Variants in DNAH5 observed in about 807,000 individuals in gnomAD.
The protein encoded by DNAH5 is axonemal beta dynein heavy chain 5.
In DNAH5, 372 loss-of-function variants were observed where a neutral mutation model predicts 518.2. The observed-to-expected ratio is 0.72, with a 90% confidence interval of 0.66 to 0.78. DNAH5 has a LOEUF of 0.78. DNAH5 is among the 30% of genes least tolerant of loss of function. DNAH5 has a pLI of 0.00. For synonymous variants in DNAH5, 2,039 were observed against 2,025.9 expected, an observed-to-expected ratio of 1.01 and a Z score of -0.17; for missense variants, 5,523 against 5,687.0, an observed-to-expected ratio of 0.97 and a Z score of 0.93.
Position 13,922,088 on chromosome 5 carries a change from A to G in DNAH5, c.660+19T>C, listed in dbSNP as rs765325246. The G allele has an allele frequency of 5.6e-6, 9 of 1,612,286 alleles. No individual in the cohort carries two copies. The highest frequency in any genetic ancestry group is 7.6e-6 in the Non-Finnish European group (9 of 1,178,826). ...TGACCACCTGATCATTTTTAAAGGAACAGCTTATTCGTCCTCACCTTCTCC... is the reference window on the plus strand; with the variant it reads ...TGACCACCTGATCATTTTTAAAGGAGCAGCTTATTCGTCCTCACCTTCTCC... On this transcript the variant is annotated intron_variant, in intron 5 of 78. Transcript: ENST00000265104.
chr5:13,965,387 C>T (rs1294163954), intron 1 of DNAH5, among the ~76,000 whole-genome samples: 2 of 152,054 alleles, frequency 1.3e-5, no homozygotes, highest in African/African-American at 4.8e-5. Context: ...TGTCATAATG[C>T]AAGTTTTTCA....
intron 43 of DNAH5, among the ~76,000 whole-genome samples, chr5:13,812,389 T>A (rs1760836622): frequency 6.6e-6 from 1 of 152,042 alleles, no homozygotes; most frequent in Admixed American, 6.6e-5. Context: ...CACTACAACC[T>A]CCACCTCCCA....
At chr5:13,959,680 T>G (rs1242668758) in intron 1 of DNAH5, among the ~76,000 whole-genome samples, 2 of 152,168 alleles carry the variant, frequency 1.3e-5, no homozygotes, top group Non-Finnish European at 2.9e-5. Flanking sequence ...TCTATCAAGA[T>G]TCCTCAGCTG....
chr5:13,713,402 T>C (rs1396953547), intron 75 of DNAH5, among the ~76,000 whole-genome samples: 1 of 125,324 alleles, frequency 8.0e-6, no homozygotes, highest in Non-Finnish European at 1.7e-5. Flanking sequence ...CTGACATATA[T>C]ATATACACCG....
chr5:13,709,104 A>C (rs1743170307), intron 75 of DNAH5, among the ~76,000 whole-genome samples: 1 of 152,204 alleles, frequency 6.6e-6, no homozygotes, highest in Non-Finnish European at 1.5e-5. Flanking sequence ...AAGTGATCAG[A>C]GGTTATTCCA....
In DNAH5 at chr5:13,823,657, T is replaced by C. The variant is rs533286900; in HGVS notation, c.6580-287A>G. Among the ~76,000 whole-genome samples, 4 of 152,346 alleles carry C rather than the reference T, an allele frequency of 2.6e-5. No homozygotes were observed. The East Asian group carries it at 7.7e-4, about 29-fold the overall frequency. On this transcript the variant is annotated intron_variant, in intron 39 of 78. Coordinates refer to ENST00000265104, the MANE Select transcript of DNAH5 (RefSeq NM_001369.3). Reference sequence around the variant, plus strand: ...ATAGTCAGTTTTGGGGGATACCATATAGTCTACAATTTTTAATTTAAACTT... The same window carrying C: ...ATAGTCAGTTTTGGGGGATACCATACAGTCTACAATTTTTAATTTAAACTT...
chr5:13,710,944 A>G (rs2126470717), intron 75 of DNAH5, among the ~76,000 whole-genome samples: 1 of 152,320 alleles, frequency 6.6e-6, no homozygotes, highest in South Asian at 2.1e-4. Flanking sequence ...ACATTCAAAG[A>G]AGAATTGGTA....
intron 52 of DNAH5, among the ~76,000 whole-genome samples, chr5:13,784,133 A>C (rs996039963): frequency 6.6e-6 from 1 of 152,184 alleles, no homozygotes; most frequent in African/African-American, 2.4e-5. Flanking sequence ...CAAGCACGAC[A>C]CTTAACATAA....
chr5:13,772,670 A>G (rs1177201165), intron 55 of DNAH5, among the ~76,000 whole-genome samples: 2 of 152,148 alleles, frequency 1.3e-5, no homozygotes. Context: ...CATATAAAAA[A>G]CTCACTTTTT....
chr5:13,800,521 C>A (rs973961150), intron 47 of DNAH5, among the ~76,000 whole-genome samples: 2 of 152,090 alleles, frequency 1.3e-5, no homozygotes, highest in African/African-American at 4.8e-5. Flanking sequence ...ATTTCAACAC[C>A]CTTTCTAAAG....
At chr5:13,808,677 T>C (rs755135602) in intron 46 of DNAH5, among the ~76,000 whole-genome samples, 3 of 151,112 alleles carry the variant, frequency 2.0e-5, no homozygotes, top group Non-Finnish European at 4.4e-5. Context: ...TGCTTCATGT[T>C]GGCTGGGCAC....
At chr5:13,936,711 A>G (rs901040342) in intron 1 of DNAH5, among the ~76,000 whole-genome samples, 2 of 152,204 alleles carry the variant, frequency 1.3e-5, no homozygotes, top group African/African-American at 4.8e-5. Flanking sequence ...GGACATCAAA[A>G]TTTAAGTGAA....
intron 42 of DNAH5, among the ~76,000 whole-genome samples, chr5:13,816,473 A>G (rs943192956): frequency 1.3e-5 from 2 of 151,908 alleles, no homozygotes; most frequent in African/African-American, 2.4e-5. Context: ...TCAACTAGCA[A>G]TTCAAGTAAA....
At chr5:13,944,283 G>A (rs1779728768) in intron 1 of DNAH5, 99 bp downstream of exon 1, 1 of 1,133,754 alleles carries the variant, frequency 8.8e-7, no homozygotes, top group Admixed American at 1.7e-5. Flanking sequence ...ATTCATCAGT[G>A]TGTGACTTTG....
intron 1 of DNAH5, among the ~76,000 whole-genome samples, chr5:13,959,133 G>T (rs994737212): frequency 1.3e-5 from 2 of 152,176 alleles, no homozygotes; most frequent in East Asian, 1.9e-4. Flanking sequence ...TTTTATTAGA[G>T]ACGGGGTTTC....
intron 60 of DNAH5, 31 bp downstream of exon 60, chr5:13,762,691 A>T: frequency 1.2e-6 from 2 of 1,609,216 alleles, no homozygotes; most frequent in South Asian, 1.1e-5. Flanking sequence ...CCGCCCAGCC[A>T]CCTTCACCCA....
rs1750320282 is a variant in DNAH5, at chr5:13,752,121, A to C, written c.11028+13T>G. On this transcript the variant is annotated intron_variant, in intron 64 of 78. Coordinates refer to ENST00000265104, the MANE Select transcript of DNAH5 (RefSeq NM_001369.3). ...AATTGTTCTGCACATTGTCATCCAT[A>C]GGTTTAACCTACCTTAAAGGTAGAC... The C allele has an allele frequency of 1.2e-6, 2 of 1,613,426 alleles. No individual in the cohort carries two copies. Among genetic ancestry groups the C allele is most frequent in the African/African-American group, 1.3e-5 (1 of 74,914 alleles).
chr5:13,940,179 C>T (rs747053996), intron 1 of DNAH5, among the ~76,000 whole-genome samples: 5 of 152,146 alleles, frequency 3.3e-5, no homozygotes, highest in Admixed American at 1.3e-4. Flanking sequence ...CACAGCCTCA[C>T]CTCCCCCGAC....
chr5:13,844,953 A>G lies in DNAH5; in HGVS notation c.5155T>C (p.Phe1719Leu). The change falls in exon 32 of 79, where the codon TTC (phenylalanine) becomes CTC (leucine). Residue 1719 changes from phenylalanine to leucine, a missense_variant. Around this residue, in one of 3 missense-constraint regions of DNAH5, gnomAD observed 5,121 missense variants for 5,223.3 expected, o/e 0.98. Coordinates refer to ENST00000265104, the MANE Select transcript of DNAH5 (RefSeq NM_001369.3). ...TCTAGAAGGGCAGGATCTGAGACGAAGAAAAACCGAGGAAAGCACAGTCGT... is the reference window on the plus strand; with the variant it reads ...TCTAGAAGGGCAGGATCTGAGACGAGGAAAAACCGAGGAAAGCACAGTCGT... ...KKRLCFPRFF[F>L]VSDPALLEIL... is the part of the protein sequence containing the mutation. 6.2e-7 allele frequency: 1 copy of G among 1,614,172 alleles called. No individual in the cohort carries two copies. The highest frequency in any genetic ancestry group is 8.5e-7 in the Non-Finnish European group (1 of 1,180,004).
Sources: allele counts gnomAD v4.1 joint callset (sites outside exome capture counted in the v4.1 genomes callset), GRCh38; gene constraint gnomAD v4.1.1; regional missense constraint gnomAD v4.1.1; transcripts MANE v1.5; gene names NCBI Gene and HGNC (gene_info 2026-07-23, HGNC 2026-07-21).